The following KIF6 variants were observed in gnomAD, a reference collection of about 807,000 sequenced individuals.
KIF6 encodes the protein kinesin family member 6.
KIF6 carries 106 observed loss-of-function variants against 112.7 expected under a neutral mutation model. The ratio of observed to expected loss-of-function variants is 0.94; its 90% confidence interval spans 0.80 to 1.11. The LOEUF (loss-of-function observed/expected upper bound fraction) is 1.11. Ranked by LOEUF, KIF6 falls within the 50% of genes least tolerant of loss-of-function variation. The pLI, the probability that KIF6 is intolerant of heterozygous loss-of-function variation, is 0.00. For missense variants in KIF6, 929 were observed against 964.0 expected (o/e 0.96, Z 0.48); for synonymous variants, 339 against 339.9 (o/e 1.00, Z 0.03).
intron 5 of KIF6, among the ~76,000 whole-genome samples, chr6:39,629,403 A>T (rs1784246864): frequency 6.6e-6 from 1 of 152,092 alleles, no homozygotes; most frequent in Non-Finnish European, 1.5e-5. Flanking sequence ...TTTAATTTGC[A>T]ATTCCCTAAT....
intron 16 of KIF6, among the ~76,000 whole-genome samples, chr6:39,380,984 T>C (rs1766884570): frequency 6.6e-6 from 1 of 152,228 alleles, no homozygotes; most frequent in Non-Finnish European, 1.5e-5. Flanking sequence ...CCTGGAGTAC[T>C]AACAGTTTAT....
At chr6:39,433,367 C>A (rs1771298283) in intron 13 of KIF6, among the ~76,000 whole-genome samples, 1 of 152,180 alleles carries the variant, frequency 6.6e-6, no homozygotes, top group Admixed American at 6.5e-5. Context: ...TCTTGAAGGT[C>A]CTACTAAGAA....
intron 3 of KIF6, among the ~76,000 whole-genome samples, chr6:39,655,881 C>T (rs2150801018): frequency 6.6e-6 from 1 of 152,260 alleles, no homozygotes; most frequent in East Asian, 1.9e-4. Flanking sequence ...TTGTTCTTTT[C>T]CAAAATTATC....
intron 9 of KIF6, among the ~76,000 whole-genome samples, chr6:39,581,731 T>A (rs923320374): frequency 2.6e-5 from 4 of 152,094 alleles, no homozygotes; most frequent in Non-Finnish European, 5.9e-5. Context: ...AGGTTCAGCA[T>A]CCATCTTGCA....
chr6:39,571,858 C>T (rs546374145), intron 10 of KIF6, among the ~76,000 whole-genome samples: 67 of 152,188 alleles, frequency 4.4e-4, no homozygotes, highest in African/African-American at 1.5e-3. Flanking sequence ...TCCTGCTATT[C>T]TCTACACTCC....
chr6:39,387,485 T>C (rs1767524350), intron 15 of KIF6, among the ~76,000 whole-genome samples: 1 of 152,146 alleles, frequency 6.6e-6, no homozygotes, highest in East Asian at 1.9e-4. Context: ...CTGGAGAGAA[T>C]TATGCATAGA....
At chr6:39,620,750 TTTTA>T (rs71543964) in intron 5 of KIF6, among the ~76,000 whole-genome samples, 32,499 of 148,490 alleles carry the variant, frequency 0.22, 4,158 homozygotes, top group African/African-American at 0.37. Context: ...CTTAACAACA[TTTTA>T]TTTATTTATT....
chr6:39,684,874 T>C (rs917645645), intron 3 of KIF6, among the ~76,000 whole-genome samples: 7 of 152,044 alleles, frequency 4.6e-5, no homozygotes, highest in African/African-American at 1.4e-4. Context: ...CAAATGCTGC[T>C]TAAAGATCAA....
chr6:39,357,147 A>G (rs20456), intron 19 of KIF6, 130 bp downstream of exon 19: 275,535 of 595,114 alleles, frequency 0.46, 69,501 homozygotes, highest in African/African-American at 0.85. Flanking sequence ...CTAATTAAAC[A>G]GTAAAAGGAA....
chr6:39,390,135 C>A (rs542847410), intron 15 of KIF6, among the ~76,000 whole-genome samples: 1 of 151,642 alleles, frequency 6.6e-6, no homozygotes, highest in East Asian at 1.9e-4. Flanking sequence ...GGCTAACCAA[C>A]GTCTCTAACC....
intron 13 of KIF6, among the ~76,000 whole-genome samples, chr6:39,489,647 C>T (rs1185379735): frequency 6.6e-6 from 1 of 152,096 alleles, no homozygotes; most frequent in Non-Finnish European, 1.5e-5. Context: ...GTGTTTCCCC[C>T]AGTGACTGGT....
At chr6:39,533,768 C>T (rs1290844227) in intron 13 of KIF6, among the ~76,000 whole-genome samples, 2 of 152,206 alleles carry the variant, frequency 1.3e-5, no homozygotes, top group East Asian at 3.9e-4. Flanking sequence ...TCAAGTGGGT[C>T]CCTGACCCCT....
chr6:39,670,059 C>T lies in KIF6; in HGVS notation c.252-30302G>A, dbSNP rs192000523. ...AGATAAGTGAGAAGGTCCTTACACC[C>T]GTGACAACGCCCTGAGCAGTCCATG... On this transcript the variant is annotated intron_variant, in intron 3 of 22. Coordinates refer to ENST00000287152, the MANE Select transcript of KIF6 (RefSeq NM_145027.6). Among the ~76,000 whole-genome samples, 15 of 152,238 alleles carry T rather than the reference C, an allele frequency of 9.9e-5. 1 individual carries two copies. Among genetic ancestry groups the T allele is most frequent in the Admixed American group, 2.0e-4 (3 of 15,290 alleles).
At chr6:39,448,171 C>T (rs777675217) in intron 13 of KIF6, among the ~76,000 whole-genome samples, 1 of 152,046 alleles carries the variant, frequency 6.6e-6, no homozygotes, top group Non-Finnish European at 1.5e-5. Context: ...ACAAAAAGTA[C>T]ATTTTATTAA....
At chr6:39,684,508 G>A (rs751915293) in intron 3 of KIF6, among the ~76,000 whole-genome samples, 53 of 152,014 alleles carry the variant, frequency 3.5e-4, no homozygotes, top group Non-Finnish European at 5.3e-4. Context: ...CCAGCCACTC[G>A]GGAGGCTGAG....
In KIF6 at chr6:39,342,389, C is replaced by T. The variant is rs909844697; in HGVS notation, c.2428+1320G>A. ...CGTGTTCATTGTCTGTCTCCTTCCT[C>T]CCCCTAGAATGTCAGTTTCTCACGT... On this transcript the variant is annotated intron_variant, in intron 22 of 22. Transcript: ENST00000287152. This position sits in a 1 kb window ranked among gnomAD's most constrained non-coding sequence, Gnocchi z 4.7. Among the ~76,000 whole-genome samples the T allele has an allele frequency of 6.6e-6, 1 of 152,166 alleles. No homozygotes were observed. Among genetic ancestry groups the T allele is most frequent in the African/African-American group, 2.4e-5 (1 of 41,432 alleles).
At chr6:39,604,752 T>G (rs1021540803) in intron 6 of KIF6, among the ~76,000 whole-genome samples, 4 of 152,154 alleles carry the variant, frequency 2.6e-5, no homozygotes, top group Non-Finnish European at 5.9e-5. Flanking sequence ...TGATTCACCT[T>G]TATGATAAGA....
In KIF6 at chr6:39,662,636, G is replaced by A. The variant is rs116149036; in HGVS notation, c.252-22879C>T. Among the ~76,000 whole-genome samples the A allele has an allele frequency of 2.0e-3, 298 of 152,250 alleles. 1 individual carries two copies. Among genetic ancestry groups the A allele is most frequent in the African/African-American group, 6.9e-3 (285 of 41,548 alleles). Reference sequence around the variant, plus strand: ...AAGTCCTTTTAAAGATTTATCTGGAGGCTAAGGCAGAAGGATTGCTTGAGT... The same window carrying A: ...AAGTCCTTTTAAAGATTTATCTGGAAGCTAAGGCAGAAGGATTGCTTGAGT... On this transcript the variant is annotated intron_variant, in intron 3 of 22. Transcript: ENST00000287152.
chr6:39,540,690 G>A (rs1007360770), intron 12 of KIF6, among the ~76,000 whole-genome samples: 6 of 152,244 alleles, frequency 3.9e-5, no homozygotes, highest in South Asian at 2.1e-4. Context: ...CAGATCAGCC[G>A]TCTTCATCCT....
Sources: gnomAD v4.1 joint callset for allele counts (sites outside exome capture counted in the v4.1 genomes callset) on GRCh38, gnomAD v4.1.1 for gene constraint, Gnocchi (gnomAD v3.1) non-coding constraint, MANE v1.5 for transcripts, NCBI Gene and HGNC (gene_info 2026-07-23, HGNC 2026-07-21) for gene names.